CALCRL: variants seen among roughly 807,000 people sequenced by gnomAD.
CALCRL encodes calcitonin gene-related peptide type 1 receptor.
A neutral mutation model predicts 60.4 loss-of-function variants in CALCRL; 27 were observed. That is an observed-to-expected ratio of 0.45 (90% confidence interval 0.33 to 0.62). The LOEUF is 0.62. Among genes scored for constraint, CALCRL ranks in the 20% least tolerant of loss-of-function variants. CALCRL has a pLI of 0.03. For missense variants in CALCRL, 424 were observed against 540.7 expected (o/e 0.78, Z 2.14); for synonymous variants, 190 against 182.6 (o/e 1.04, Z -0.33).
chr2:187,408,924 A>G (rs1689245275), intron 1 of CALCRL, among the ~76,000 whole-genome samples: 1 of 152,182 alleles, frequency 6.6e-6, no homozygotes, highest in Non-Finnish European at 1.5e-5. Context: ...GAAATATAGA[A>G]CTTGCTTTTT....
At chr2:187,347,020 A>G (rs1199147956) in intron 14 of CALCRL, among the ~76,000 whole-genome samples, 1 of 151,866 alleles carries the variant, frequency 6.6e-6, no homozygotes, top group Non-Finnish European at 1.5e-5. Context: ...ATTGTGAAAA[A>G]TAAATTTAGG....
rs1686147137 is a variant in CALCRL, at chr2:187,342,993, T to C, written c.*3191A>G. The stretch of plus-strand genomic sequence containing the variant: ...AAACTACAAAATGAAATATAGTAGA[T>C]AAAGGAGATGAATTTCTGAACATTT... On this transcript the variant is annotated 3_prime_UTR_variant, in exon 15 of 15. Transcript: ENST00000392370. 6.6e-6 allele frequency: 1 copy of C among 151,576 alleles called. No individual in the cohort carries two copies. Among genetic ancestry groups the C allele is most frequent in the Non-Finnish European group, 1.5e-5 (1 of 67,602 alleles). 9.4% of individuals were successfully genotyped at this position (151,576 alleles called of 1,614,324 possible).
chr2:187,361,310 C>T (rs1050824587), intron 9 of CALCRL, among the ~76,000 whole-genome samples: 1 of 151,882 alleles, frequency 6.6e-6, no homozygotes, highest in Non-Finnish European at 1.5e-5. Flanking sequence ...ATTATGGTTT[C>T]CCTTCCATTT....
chr2:187,405,199 T>A (rs1689064136), intron 1 of CALCRL, among the ~76,000 whole-genome samples: 1 of 151,924 alleles, frequency 6.6e-6, no homozygotes. Flanking sequence ...GCAGCAGAAA[T>A]GGAATGTCTT....
At chr2:187,413,073 GTA>G in intron 1 of CALCRL, among the ~76,000 whole-genome samples, 1 of 152,150 alleles carries the variant, frequency 6.6e-6, no homozygotes, top group African/African-American at 2.4e-5. Flanking sequence ...ATTTATCTCT[GTA>G]CGTTTTCAGG....
intron 12 of CALCRL, among the ~76,000 whole-genome samples, chr2:187,357,854 G>A (rs151236278): frequency 0.027 from 4,053 of 151,154 alleles, 88 homozygotes; most frequent in Admixed American, 0.064. Context: ...ACAGGTTGAC[G>A]GGTGCAGCAA....
chr2:187,435,435 T>C (rs1279768175), intron 1 of CALCRL, among the ~76,000 whole-genome samples: 1 of 152,204 alleles, frequency 6.6e-6, no homozygotes. Flanking sequence ...TGATTCAGTC[T>C]CCTTTCCACC....
In CALCRL at chr2:187,354,127, A is replaced by G. The variant is rs367554667; in HGVS notation, c.910-1795T>C. Among the ~76,000 whole-genome samples, 203 of 152,152 alleles carry G rather than the reference A, an allele frequency of 1.3e-3. 2 individuals carry two copies. Among genetic ancestry groups the G allele is most frequent in the African/African-American group, 4.8e-3 (201 of 41,550 alleles). On this transcript the variant is annotated intron_variant, in intron 12 of 14. Transcript: ENST00000392370. ...AAGAATTTTAAATTTTAGAAGAACT[A>G]TGTCTGAATTTCACCCACCCTTGAG...
chr2:187,361,977 G>A (rs1006263032), intron 9 of CALCRL, among the ~76,000 whole-genome samples: 1 of 151,860 alleles, frequency 6.6e-6, no homozygotes, highest in African/African-American at 2.4e-5. Context: ...AAATGAGATA[G>A]TCTACTATAT....
chr2:187,438,030 C>T (rs1283569801), intron 1 of CALCRL, among the ~76,000 whole-genome samples: 1 of 152,066 alleles, frequency 6.6e-6, no homozygotes, highest in East Asian at 1.9e-4. Context: ...GAATGACATA[C>T]ATATTTGAAC....
At chr2:187,426,146 C>T (rs1304521604) in intron 1 of CALCRL, among the ~76,000 whole-genome samples, 2 of 150,702 alleles carry the variant, frequency 1.3e-5, no homozygotes, top group South Asian at 4.2e-4. Flanking sequence ...AAAGGTAGCA[C>T]GGAGCAAGAA....
chr2:187,406,360 A>G (rs1045395568), intron 1 of CALCRL, among the ~76,000 whole-genome samples: 1 of 152,058 alleles, frequency 6.6e-6, no homozygotes, highest in Admixed American at 6.6e-5. Context: ...GTTCCTTGAA[A>G]AAATGGAAGT....
rs1046918272 is a variant in CALCRL at position 187,412,797 on chromosome 2, T to C, written c.-292-25041A>G. On this transcript the variant is annotated intron_variant, in intron 1 of 14. Coordinates refer to ENST00000392370, the MANE Select transcript of CALCRL (RefSeq NM_005795.6). The stretch of plus-strand genomic sequence containing the variant: ...AATACTGTAAATGGCTTTCAGGTTT[T>C]AAAGCCTAGGACATCTCAAAATATT... Among the ~76,000 whole-genome samples, 13 of 152,250 alleles carry C rather than the reference T, an allele frequency of 8.5e-5. No homozygotes were observed. In the South Asian group the frequency reaches 1.2e-3, roughly 15 times the overall value.
chr2:187,370,462 A>G (rs1308093365), intron 8 of CALCRL, among the ~76,000 whole-genome samples: 1 of 152,202 alleles, frequency 6.6e-6, no homozygotes, highest in Non-Finnish European at 1.5e-5. Context: ...AGGAAAACTT[A>G]GGTATGCTTA....
rs187281517 is a variant in CALCRL at position 187,423,134 on chromosome 2, C to A, written c.-293+24905G>T. Among the ~76,000 whole-genome samples, 202 of 152,084 alleles carry A rather than the reference C, an allele frequency of 1.3e-3. 1 individual carries two copies. The highest frequency in any genetic ancestry group is 1.7e-3 in the Non-Finnish European group (115 of 67,894). ...ACAAATTTGACCTTCAAAGATATGT[C>A]TGAACAATAACAATAGAACATAATA... On this transcript the variant is annotated intron_variant, in intron 1 of 14. Transcript: ENST00000392370.
intron 1 of CALCRL, among the ~76,000 whole-genome samples, chr2:187,389,760 CT>C (rs1208189769): frequency 6.6e-6 from 1 of 151,982 alleles, no homozygotes; most frequent in Non-Finnish European, 1.5e-5. Context: ...TTTTAAAGAA[CT>C]AAAGTATGGC....
intron 1 of CALCRL, among the ~76,000 whole-genome samples, chr2:187,414,697 A>G (rs1689521150): frequency 6.6e-6 from 1 of 152,128 alleles, no homozygotes; most frequent in African/African-American, 2.4e-5. Context: ...AGAAAAACTT[A>G]TGGAAATACT....
intron 8 of CALCRL, 72 bp downstream of exon 8, chr2:187,378,868 T>G: frequency 1.2e-6 from 1 of 803,266 alleles, no homozygotes; most frequent in Non-Finnish European, 2.1e-6. Context: ...AGACATGATG[T>G]AAATATGCAC....
chr2:187,362,002 A>C (rs891371592), intron 9 of CALCRL, among the ~76,000 whole-genome samples: 6 of 151,970 alleles, frequency 3.9e-5, no homozygotes, highest in African/African-American at 1.4e-4. Flanking sequence ...AGAAATCATA[A>C]ATTTCAGCTT....
Sources: gnomAD v4.1 joint callset for allele counts (sites outside exome capture counted in the v4.1 genomes callset) on GRCh38, gnomAD v4.1.1 for gene constraint, MANE v1.5 for transcripts, NCBI Gene and HGNC (gene_info 2026-07-23, HGNC 2026-07-21) for gene names.